Variants in CSMD3 observed in about 807,000 individuals in gnomAD.
CSMD3 encodes the protein CUB and sushi domain-containing protein 3.
In CSMD3, 177 loss-of-function variants were observed where a neutral mutation model predicts 435.2. The ratio of observed to expected loss-of-function variants is 0.41; its 90% confidence interval spans 0.36 to 0.46. The LOEUF is 0.46. Among genes scored for constraint, CSMD3 ranks in the 20% least tolerant of loss-of-function variants. The pLI, the probability that CSMD3 is intolerant of heterozygous loss-of-function variation, is 0.34. For missense variants in CSMD3, 4,265 were observed against 4,504.6 expected, an observed-to-expected ratio of 0.95 and a Z score of 1.52; for synonymous variants, 1,656 against 1,520.5, an observed-to-expected ratio of 1.09 and a Z score of -2.07.
At chr8:112,962,687 A>T (rs1420446019) in intron 7 of CSMD3, among the ~76,000 whole-genome samples, 1 of 151,952 alleles carries the variant, frequency 6.6e-6, no homozygotes, top group African/African-American at 2.4e-5. Context: ...ATAAACATAG[A>T]TGGGTTCTGA....
chr8:113,139,525 C>T (rs552381513), intron 4 of CSMD3, among the ~76,000 whole-genome samples: 11 of 150,686 alleles, frequency 7.3e-5, no homozygotes, highest in South Asian at 4.2e-4. Context: ...TGCACATAGC[C>T]GTGATAAATT....
chr8:113,124,024 A>G (rs1210846674), intron 4 of CSMD3, among the ~76,000 whole-genome samples: 1 of 151,992 alleles, frequency 6.6e-6, no homozygotes, highest in Non-Finnish European at 1.5e-5. Flanking sequence ...TCATTATCCA[A>G]GAGAAATATT....
chr8:113,109,124 T>C (rs1272775391), intron 4 of CSMD3, among the ~76,000 whole-genome samples: 1 of 152,164 alleles, frequency 6.6e-6, no homozygotes, highest in Non-Finnish European at 1.5e-5. Flanking sequence ...AGATAAAGAC[T>C]CACACATATT....
chr8:113,355,694 GAATA>G lies in CSMD3; in HGVS notation c.179-40905_179-40902del, dbSNP rs1422851695. ...TAAATATACATATATTTGAATGCCTGAATAAATAACTCTTAAAAGTTTTATTTTT... is the reference window on the plus strand; with the variant it reads ...TAAATATACATATATTTGAATGCCTGAATAACTCTTAAAAGTTTTATTTTT... On this transcript the variant is annotated intron_variant, in intron 1 of 70. Transcript: ENST00000297405. 2.2e-5 allele frequency among the ~76,000 whole-genome samples: 3 copies of G among 133,918 alleles called. No homozygotes were observed. In the Admixed American group the frequency reaches 2.3e-4, roughly 10 times the overall value. 87.9% of individuals were successfully genotyped at this position (133,918 alleles called of 152,430 possible). A position where few individuals can be genotyped will look rare whatever the true frequency, so the allele number is the denominator to read the frequency against.
intron 32 of CSMD3, among the ~76,000 whole-genome samples, chr8:112,466,268 G>T (rs752050380): frequency 5.3e-5 from 8 of 151,970 alleles, no homozygotes; most frequent in African/African-American, 1.9e-4. Context: ...CAATAAAATG[G>T]TTTACTGATT....
At chr8:113,364,241 T>TA (rs200994740) in intron 1 of CSMD3, among the ~76,000 whole-genome samples, 4,939 of 146,458 alleles carry the variant, frequency 0.034, 102 homozygotes, top group Admixed American at 0.037. Context: ...GGAATTAGAC[T>TA]AAATTTTTTT....
At chr8:112,833,342 T>C (rs1201409399) in intron 11 of CSMD3, among the ~76,000 whole-genome samples, 4 of 151,986 alleles carry the variant, frequency 2.6e-5, no homozygotes, top group African/African-American at 9.7e-5. Flanking sequence ...ATTTTTTTAG[T>C]ATATTACTTC....
intron 1 of CSMD3, among the ~76,000 whole-genome samples, chr8:113,408,407 A>G (rs1364349816): frequency 6.6e-6 from 1 of 152,224 alleles, no homozygotes; most frequent in African/African-American, 2.4e-5. Context: ...CACTAAGTGA[A>G]GGAAATTGGT....
chr8:112,978,097 G>T (rs1438983886), intron 6 of CSMD3, among the ~76,000 whole-genome samples: 1 of 151,890 alleles, frequency 6.6e-6, no homozygotes, highest in Non-Finnish European at 1.5e-5. Context: ...TGAAATCAGA[G>T]TAAAAACTAA....
At chr8:113,356,102 C>T (rs192069340) in intron 1 of CSMD3, among the ~76,000 whole-genome samples, 254 of 151,966 alleles carry the variant, frequency 1.7e-3, no homozygotes, top group African/African-American at 5.9e-3. Context: ...TCTTCATCCC[C>T]TTTGCATGTT....
chr8:112,435,378 A>G (rs1814216118), intron 32 of CSMD3, among the ~76,000 whole-genome samples: 1 of 152,052 alleles, frequency 6.6e-6, no homozygotes, highest in Non-Finnish European at 1.5e-5. Context: ...ACATGAGACA[A>G]TTGACACTTA....
At chr8:112,463,430 A>T in intron 32 of CSMD3, among the ~76,000 whole-genome samples, 1 of 152,188 alleles carries the variant, frequency 6.6e-6, no homozygotes, top group East Asian at 1.9e-4. Flanking sequence ...AATGAGGAAG[A>T]TGTCTAAGTG....
At chr8:112,425,035 C>T (rs1422827359) in intron 32 of CSMD3, among the ~76,000 whole-genome samples, 1 of 152,138 alleles carries the variant, frequency 6.6e-6, no homozygotes, top group African/African-American at 2.4e-5. Flanking sequence ...TCTTAAATAT[C>T]AGTTATTCTG....
intron 11 of CSMD3, among the ~76,000 whole-genome samples, chr8:112,832,408 C>G (rs2079902684): frequency 6.6e-6 from 1 of 152,218 alleles, no homozygotes; most frequent in Non-Finnish European, 1.5e-5. Flanking sequence ...TTAAGTTCAT[C>G]AAAAGGGAGA....
At chr8:112,956,469 A>G (rs183730874) in intron 7 of CSMD3, among the ~76,000 whole-genome samples, 5 of 152,278 alleles carry the variant, frequency 3.3e-5, no homozygotes, top group African/African-American at 1.2e-4. Context: ...TTCCATTGGA[A>G]ACATGAATTA....
intron 9 of CSMD3, among the ~76,000 whole-genome samples, chr8:112,925,440 G>A (rs563392562): frequency 3.9e-5 from 6 of 152,080 alleles, no homozygotes; most frequent in African/African-American, 1.4e-4. Flanking sequence ...GCGGGCACCT[G>A]TAGTCCCAGC....
chr8:112,514,941 T>C (rs554144232), intron 28 of CSMD3, among the ~76,000 whole-genome samples: 12 of 152,066 alleles, frequency 7.9e-5, no homozygotes, highest in Non-Finnish European at 1.8e-4. Flanking sequence ...CTCTAATTTA[T>C]ATCTTCCCCT....
At chr8:113,409,643 A>G (rs183236828) in intron 1 of CSMD3, among the ~76,000 whole-genome samples, 1 of 152,244 alleles carries the variant, frequency 6.6e-6, no homozygotes, top group Admixed American at 6.5e-5. Flanking sequence ...TTAATTCTCA[A>G]TGGGAATTAT....
At chr8:112,835,991 G>A (rs1242931762) in intron 11 of CSMD3, among the ~76,000 whole-genome samples, 2 of 151,768 alleles carry the variant, frequency 1.3e-5, no homozygotes, top group African/African-American at 4.8e-5. Context: ...TTCTGAGTGG[G>A]AGTTTTTATG....
Sources: gnomAD v4.1 joint callset for allele counts (sites outside exome capture counted in the v4.1 genomes callset) on GRCh38, gnomAD v4.1.1 for gene constraint, MANE v1.5 for transcripts, NCBI Gene and HGNC (gene_info 2026-07-23, HGNC 2026-07-21) for gene names.